AUH: variants seen among roughly 807,000 people sequenced by gnomAD.
AUH encodes methylglutaconyl-CoA hydratase, mitochondrial.
A neutral mutation model predicts 42.3 loss-of-function variants in AUH; 29 were observed. The observed-to-expected ratio is 0.69, with a 90% confidence interval of 0.51 to 0.93. The LOEUF (loss-of-function observed/expected upper bound fraction) is 0.93, where lower values mean the gene tolerates loss of function less well. AUH is among the 40% of genes least tolerant of loss of function. AUH has a pLI of 0.00. For synonymous variants in AUH, 174 were observed against 166.4 expected (o/e 1.05, Z -0.35); for missense variants, 452 against 438.1 (o/e 1.03, Z -0.28).
intron 4 of AUH, among the ~76,000 whole-genome samples, chr9:91,323,839 T>A (rs567053273): frequency 6.6e-6 from 1 of 152,268 alleles, no homozygotes; most frequent in Non-Finnish European, 1.5e-5. Context: ...ATGCACACTA[T>A]GGATAGAAAG....
At chr9:91,295,478 C>T (rs375482783) in intron 6 of AUH, among the ~76,000 whole-genome samples, 4 of 152,088 alleles carry the variant, frequency 2.6e-5, no homozygotes, top group East Asian at 1.9e-4. Context: ...CAAACAGCAG[C>T]GCATGCTACA....
At chr9:91,227,217 G>A (rs537476628) in intron 6 of AUH, among the ~76,000 whole-genome samples, 19 of 150,976 alleles carry the variant, frequency 1.3e-4, no homozygotes, top group East Asian at 3.9e-4. Flanking sequence ...TTGTGTCCTC[G>A]TTTATTTCCT....
intron 6 of AUH, among the ~76,000 whole-genome samples, chr9:91,263,382 T>C (rs1231425333): frequency 6.6e-6 from 1 of 152,194 alleles, no homozygotes; most frequent in African/African-American, 2.4e-5. Flanking sequence ...GGTTTAATAA[T>C]GGGAAAAATA....
chr9:91,278,191 C>A (rs1027577328), intron 6 of AUH, among the ~76,000 whole-genome samples: 3 of 152,086 alleles, frequency 2.0e-5, no homozygotes, highest in African/African-American at 7.2e-5. Context: ...CCATGCCTAG[C>A]GACCACAGGA....
At chr9:91,352,260 G>A (rs1832046217) in intron 3 of AUH, among the ~76,000 whole-genome samples, 1 of 152,042 alleles carries the variant, frequency 6.6e-6, no homozygotes, top group African/African-American at 2.4e-5. Flanking sequence ...GGGTGACAGG[G>A]AGACCCCGTC....
Position 91,214,232 on chromosome 9 carries a change from A to C in AUH, c.*116T>G. 1.2e-6 allele frequency: 1 copy of C among 841,772 alleles called. No individual in the cohort carries two copies. Among genetic ancestry groups the C allele is most frequent in the Non-Finnish European group, 2.0e-6 (1 of 510,354 alleles). 52.1% of individuals were successfully genotyped at this position (841,772 alleles called of 1,614,324 possible). A position where few individuals can be genotyped will look rare whatever the true frequency, so the allele number is the denominator to read the frequency against. ...CAGATGCTTATTACACCGTATGAAT[A>C]ATCTGCTCTTCACTTTGGTCATTAA... On this transcript the variant is annotated 3_prime_UTR_variant, in exon 10 of 10. Coordinates refer to ENST00000375731, the MANE Select transcript of AUH (RefSeq NM_001698.3).
intron 4 of AUH, among the ~76,000 whole-genome samples, chr9:91,314,664 T>C (rs1190631115): frequency 6.6e-6 from 1 of 151,158 alleles, no homozygotes; most frequent in Non-Finnish European, 1.5e-5. Flanking sequence ...CCTCAGAGGC[T>C]GAATTCGTAG....
chr9:91,223,925 A>G lies in AUH; in HGVS notation c.656-2933T>C, dbSNP rs867470910. Among the ~76,000 whole-genome samples, 10 of 152,344 alleles carry G rather than the reference A, an allele frequency of 6.6e-5. No homozygotes were observed. The Middle Eastern group carries it at 0.014, about 207-fold the overall frequency. ...AGGCCTTTCAAAAAAAGTATCAAAG[A>G]ACCAAAACTCAGCTGATCACCAGAC... On this transcript the variant is annotated intron_variant, in intron 6 of 9. Coordinates refer to ENST00000375731, the MANE Select transcript of AUH (RefSeq NM_001698.3).
chr9:91,268,726 G>T (rs755565002), intron 6 of AUH, among the ~76,000 whole-genome samples: 1 of 151,142 alleles, frequency 6.6e-6, no homozygotes, highest in African/African-American at 2.4e-5. Flanking sequence ...CACCACGCCC[G>T]GCCCATAGAC....
At chr9:91,345,938 T>G (rs1831474955) in intron 3 of AUH, among the ~76,000 whole-genome samples, 1 of 151,852 alleles carries the variant, frequency 6.6e-6, no homozygotes, top group Non-Finnish European at 1.5e-5. Context: ...GGGGAAAAGT[T>G]GGTCTGACAA....
At chr9:91,357,354 A>C (rs989460944) in intron 1 of AUH, 2 of 305,518 alleles carry the variant, frequency 6.5e-6, no homozygotes, top group Non-Finnish European at 9.6e-6. Flanking sequence ...TCCTTCAGCT[A>C]TTAAGTGGTA....
rs574217883 is a variant in AUH at position 91,295,507 on chromosome 9, G to A, written c.655+514C>T. Among the ~76,000 whole-genome samples the A allele has an allele frequency of 7.1e-4, 108 of 152,276 alleles. 1 individual carries two copies. Among genetic ancestry groups the A allele is most frequent in the Middle Eastern group, 6.8e-3 (2 of 294 alleles). On this transcript the variant is annotated intron_variant, in intron 6 of 9. Coordinates refer to ENST00000375731, the MANE Select transcript of AUH (RefSeq NM_001698.3). Reference sequence around the variant, plus strand: ...TGCTACAGAGAAATCTCTTGTGAAAGGAAGAGTCAACTGATGTGGCAAACT... The same window carrying A: ...TGCTACAGAGAAATCTCTTGTGAAAAGAAGAGTCAACTGATGTGGCAAACT...
intron 4 of AUH, among the ~76,000 whole-genome samples, chr9:91,318,552 G>C (rs1462726791): frequency 5.3e-5 from 8 of 152,174 alleles, no homozygotes; most frequent in Non-Finnish European, 1.0e-4. Context: ...AGAAGCTTCA[G>C]GGGCCAAATC....
chr9:91,316,596 T>A (rs550663855), intron 4 of AUH, among the ~76,000 whole-genome samples: 1 of 152,216 alleles, frequency 6.6e-6, no homozygotes, highest in Non-Finnish European at 1.5e-5. Flanking sequence ...TAAAATGGCA[T>A]CCCACTGTGG....
chr9:91,232,551 A>G (rs1172930577), intron 6 of AUH, among the ~76,000 whole-genome samples: 1 of 152,158 alleles, frequency 6.6e-6, no homozygotes, highest in Admixed American at 6.5e-5. Context: ...TCAACACCCC[A>G]CCAGCCAAAG....
chr9:91,355,752 C>T, intron 3 of AUH, 131 bp downstream of exon 3: 1 of 754,306 alleles, frequency 1.3e-6, no homozygotes, highest in Admixed American at 2.5e-5. Context: ...TCTTGTGAAT[C>T]AGTAAAACAC....
At chr9:91,226,692 G>GT (rs1433560619) in intron 6 of AUH, among the ~76,000 whole-genome samples, 35 of 115,808 alleles carry the variant, frequency 3.0e-4, no homozygotes, top group Non-Finnish European at 4.0e-4. Context: ...TAGGTCTAAC[G>GT]TTTAAGTCTT....
At chr9:91,253,947 CAAAT>C (rs899272031) in intron 6 of AUH, among the ~76,000 whole-genome samples, 17 of 152,120 alleles carry the variant, frequency 1.1e-4, no homozygotes, top group African/African-American at 3.9e-4. Flanking sequence ...AACGTTAAGT[CAAAT>C]AAATAAGCTA....
chr9:91,276,414 CAAA>C (rs58728272), intron 6 of AUH, among the ~76,000 whole-genome samples: 16 of 110,302 alleles, frequency 1.5e-4, no homozygotes, highest in East Asian at 2.4e-4. Context: ...CCCTGTCTCC[CAAA>C]AAAAAAAAAA....
Sources: gnomAD v4.1 joint callset for allele counts (sites outside exome capture counted in the v4.1 genomes callset) on GRCh38, gnomAD v4.1.1 for gene constraint, MANE v1.5 for transcripts, NCBI Gene and HGNC (gene_info 2026-07-23, HGNC 2026-07-21) for gene names.